RACGAP1: variants seen among roughly 807,000 people sequenced by gnomAD.
The protein encoded by RACGAP1 is rac GTPase-activating protein 1.
A neutral mutation model predicts 78.1 loss-of-function variants in RACGAP1; 30 were observed. The ratio of observed to expected loss-of-function variants is 0.38; its 90% CI spans 0.29 to 0.52. The LOEUF is 0.52. Among genes scored for constraint, RACGAP1 ranks in the 20% least tolerant of loss-of-function variants. The pLI is 0.82. For missense variants in RACGAP1, 587 were observed against 777.1 expected (o/e 0.76, Z 2.91); for synonymous variants, 231 against 264.8 (o/e 0.87, Z 1.24).
At chr12:49,992,409 G>A (rs1323779474) in intron 13 of RACGAP1, 32 bp from the exon 14 acceptor site, 3 of 1,607,314 alleles carry the variant, frequency 1.9e-6, no homozygotes, top group Admixed American at 3.4e-5. Flanking sequence ...TAGAAGTCTT[G>A]CTCCTTGCTT....
intron 10 of RACGAP1, among the ~76,000 whole-genome samples, chr12:49,994,951 T>C (rs915469945): frequency 9.2e-5 from 14 of 151,938 alleles, no homozygotes; most frequent in African/African-American, 3.4e-4. Context: ...TTATTCTCAG[T>C]AAAAAAAATT....
Position 50,001,206 on chromosome 12 carries a change from T to C in RACGAP1, c.596A>G (p.Lys199Arg). ...QFVDGPPGPV[K>R]KTRSIGSAVD... ...TGCAGAGCCAATGGAACGAGTTTTC[T>C]TTACAGGTCCAGGGGGACCATCAAC... The change falls in exon 7 of 17, where the codon AAG becomes AGG. Residue 199 changes from lysine (K) to arginine (R), a missense_variant. By Grantham distance (26) the Lys-to-Arg change is conservative. Coordinates refer to ENST00000312377, the MANE Select transcript of RACGAP1 (RefSeq NM_001319999.2). The C allele has an allele frequency of 6.2e-7, 1 of 1,612,064 alleles. No individual in the cohort carries two copies. Among genetic ancestry groups the C allele is most frequent in the Non-Finnish European group, 8.5e-7 (1 of 1,178,160 alleles).
intron 16 of RACGAP1, 111 bp from the exon 17 acceptor site, chr12:49,990,454 A>G (rs1044982814): frequency 1.0e-6 from 1 of 1,003,630 alleles, no homozygotes; most frequent in Non-Finnish European, 1.5e-6. Context: ...CTAGACAACT[A>G]TTTTGCAATA....
chr12:50,015,540 G>A (rs924488884), intron 2 of RACGAP1, among the ~76,000 whole-genome samples: 2 of 152,070 alleles, frequency 1.3e-5, no homozygotes, highest in Non-Finnish European at 2.9e-5. Flanking sequence ...AGTGGCTCAC[G>A]CCTGTAATCC....
chr12:50,002,360 G>T, intron 5 of RACGAP1, 60 bp from the exon 6 acceptor site: 1 of 1,435,210 alleles, frequency 7.0e-7, no homozygotes, highest in Non-Finnish European at 9.6e-7. Flanking sequence ...TAAACCCTGT[G>T]CAAATAAATT....
chr12:50,022,082 A>C (rs1950039149), intron 1 of RACGAP1, among the ~76,000 whole-genome samples: 1 of 152,226 alleles, frequency 6.6e-6, no homozygotes, highest in South Asian at 2.1e-4. Context: ...AATTACTAGA[A>C]GTTCAGCATA....
chr12:49,994,972 T>C (rs1273825614), intron 10 of RACGAP1, among the ~76,000 whole-genome samples: 3 of 152,130 alleles, frequency 2.0e-5, no homozygotes, highest in East Asian at 3.8e-4. Context: ...ATTTAACATA[T>C]CTTATCAGTT....
intron 5 of RACGAP1, chr12:50,002,536 A>G (rs948110908): frequency 1.1e-5 from 4 of 360,646 alleles, no homozygotes; most frequent in Non-Finnish European, 2.0e-5. Flanking sequence ...TCAATACCAC[A>G]GAGGCAAGAA....
At chr12:50,011,782 C>T (rs1346294239) in intron 2 of RACGAP1, among the ~76,000 whole-genome samples, 5 of 151,546 alleles carry the variant, frequency 3.3e-5, no homozygotes, top group South Asian at 2.1e-4. Flanking sequence ...GGTGAAACCC[C>T]GTCTCTACTA....
At chr12:50,003,395 A>G (rs897497084) in intron 5 of RACGAP1, among the ~76,000 whole-genome samples, 3 of 152,186 alleles carry the variant, frequency 2.0e-5, no homozygotes, top group Non-Finnish European at 4.4e-5. Flanking sequence ...GACCTCCACT[A>G]TATCATTCCC....
chr12:50,025,585 A>G (rs570094055), upstream of RACGAP1: 340 of 972,976 alleles, frequency 3.5e-4, 1 homozygote, highest in African/African-American at 4.2e-3. Context: ...AGGTGACGGG[A>G]ACGGGAATGA....
chr12:50,016,019 C>T (rs959114001), intron 2 of RACGAP1, among the ~76,000 whole-genome samples: 1 of 151,860 alleles, frequency 6.6e-6, no homozygotes, highest in Non-Finnish European at 1.5e-5. Context: ...AAAGCAACAT[C>T]CTAGTAAATT....
At chr12:50,007,594 C>T (rs998772275) in intron 2 of RACGAP1, among the ~76,000 whole-genome samples, 8 of 152,198 alleles carry the variant, frequency 5.3e-5, no homozygotes, top group African/African-American at 7.2e-5. Flanking sequence ...CTAGCAGATT[C>T]TTAGGTAGTA....
intron 2 of RACGAP1, among the ~76,000 whole-genome samples, chr12:50,011,280 G>C (rs923558676): frequency 6.7e-6 from 1 of 149,592 alleles, no homozygotes; most frequent in Non-Finnish European, 1.5e-5. Context: ...GGTGCAGTGA[G>C]CTGAGATCAC....
At chr12:50,010,169 G>A in intron 2 of RACGAP1, among the ~76,000 whole-genome samples, 1 of 152,100 alleles carries the variant, frequency 6.6e-6, no homozygotes, top group East Asian at 1.9e-4. Flanking sequence ...AAAAGCTCAG[G>A]CAGCTTATGA....
At chr12:50,027,242 A>T (rs1950285212), upstream of RACGAP1, among the ~76,000 whole-genome samples, 1 of 152,160 alleles carries the variant, frequency 6.6e-6, no homozygotes, top group African/African-American at 2.4e-5. Context: ...TAATCCTCCT[A>T]ACAACCTTTC....
chr12:50,004,443 T>C, intron 4 of RACGAP1, 139 bp from the exon 5 acceptor site: 1 of 1,354,868 alleles, frequency 7.4e-7, no homozygotes, highest in South Asian at 1.8e-5. Flanking sequence ...ACAATTACAA[T>C]CTCAAACCCT....
At chr12:50,013,201 C>A (rs1226726966) in intron 2 of RACGAP1, among the ~76,000 whole-genome samples, 5 of 152,124 alleles carry the variant, frequency 3.3e-5, no homozygotes, top group African/African-American at 7.2e-5. Context: ...ATCAGGATTT[C>A]TGTAAAAATA....
intron 1 of RACGAP1, among the ~76,000 whole-genome samples, chr12:50,017,738 C>T (rs1949759170): frequency 6.6e-6 from 1 of 152,140 alleles, no homozygotes; most frequent in Non-Finnish European, 1.5e-5. Context: ...AGTCCAGGTC[C>T]TTATTTCCTA....
Sources: allele counts gnomAD v4.1 joint callset (sites outside exome capture counted in the v4.1 genomes callset), GRCh38; gene constraint gnomAD v4.1.1; transcripts MANE v1.5; gene names NCBI Gene and HGNC (gene_info 2026-07-23, HGNC 2026-07-21).